Variants in COL20A1 observed in about 807,000 individuals in gnomAD.
The protein encoded by COL20A1 is collagen alpha-1(XX) chain.
Under a neutral mutation model 152.9 loss-of-function variants are expected in COL20A1, and 164 were observed. The observed-to-expected ratio is 1.07, with a 90% CI of 0.94 to 1.22. COL20A1 has a LOEUF of 1.22. Ranked by LOEUF, COL20A1 falls within the 50% of genes most tolerant of loss-of-function variation. COL20A1 has a pLI of 0.00. For synonymous variants in COL20A1, 864 were observed against 756.0 expected, an observed-to-expected ratio of 1.14 and a Z score of -2.34; for missense variants, 1,873 against 1,744.8, an observed-to-expected ratio of 1.07 and a Z score of -1.31.
intron 27 of COL20A1, among the ~76,000 whole-genome samples, chr20:63,322,555 C>G (rs190665561): frequency 6.6e-6 from 1 of 152,150 alleles, no homozygotes; most frequent in Non-Finnish European, 1.5e-5. Context: ...CTAGGCTCAG[C>G]GCATGCGCGG....
intron 21 of COL20A1, among the ~76,000 whole-genome samples, chr20:63,318,583 A>G: frequency 6.6e-6 from 1 of 152,066 alleles, no homozygotes; most frequent in East Asian, 1.9e-4. Flanking sequence ...GCTGCCTTTC[A>G]GTAGTGATCC....
intron 35 of COL20A1, 44 bp downstream of exon 35, chr20:63,329,705 T>TG: frequency 7.1e-7 from 1 of 1,411,378 alleles, no homozygotes; most frequent in Non-Finnish European, 9.5e-7. Context: ...GCTGAGGGCA[T>TG]CCAGGAAGGA....
chr20:63,298,089 G>A lies in COL20A1; in HGVS notation c.193+69G>A, dbSNP rs912913532. ...GCCGAGGACAGTCAGTGTGGTGGCC[G>A]CAGCCACCACTCAGGCCCACAGCAT... On this transcript the variant is annotated intron_variant, in intron 3 of 35. Transcript: ENST00000358894. The A allele has an allele frequency of 3.1e-5, 33 of 1,066,748 alleles. No individual in the cohort carries two copies. The African/African-American group carries it at 3.3e-4, about 11-fold the overall frequency. 66.1% of individuals were successfully genotyped at this position (1,066,748 alleles called of 1,614,324 possible).
chr20:63,311,407 G>C lies in COL20A1; in HGVS notation c.1407G>C (p.Pro469=). The C allele has an allele frequency of 6.3e-7, 1 of 1,581,650 alleles. No homozygotes were observed. Among genetic ancestry groups the C allele is most frequent in the Non-Finnish European group, 8.6e-7 (1 of 1,164,948 alleles). ...ATGGCCCCCCAGCACCTCTGCCTCC[G>C]CCCCGGGCGCTGACCCTGGCCGCAG... The part of the protein sequence containing the change: ...RGLVTTAPLP[P]PRALTLAAVT... Residue 469 remains proline, a synonymous_variant, in exon 12 of 36, where the codon CCG becomes CCC. Coordinates refer to ENST00000358894, the MANE Select transcript of COL20A1 (RefSeq NM_020882.4). The surrounding 1 kb of genome is among the most constrained non-coding windows in gnomAD (Gnocchi z 4.4).
intron 27 of COL20A1, 122 bp from the exon 28 acceptor site, chr20:63,325,319 G>T: frequency 1.3e-6 from 1 of 784,912 alleles, no homozygotes; most frequent in Non-Finnish European, 2.2e-6. Flanking sequence ...CTGGAGGCCA[G>T]CAGGGCTCGC....
At position 63,313,155 on chromosome 20, in the gene COL20A1, TGGCCTAGGGAGGCACACAGAGTAC is replaced by T; in HGVS notation, c.2117_2140del (p.Gly706_Tyr713del). 1 of 1,612,152 alleles carries T rather than the reference TGGCCTAGGGAGGCACACAGAGTAC, an allele frequency of 6.2e-7. No individual in the cohort carries two copies. The highest frequency in any genetic ancestry group is 1.3e-5 in the African/African-American group (1 of 75,016). On this transcript the variant is annotated inframe_deletion, in exon 17 of 36. Transcript: ENST00000358894. This position sits in a 1 kb window ranked among gnomAD's most constrained non-coding sequence, Gnocchi z 5.9. ...GGAACCTCGGCACGGCCGTCCTGCC[TGGCCTAGGGAGGCACACAGAGTAC>T]GACGTCACCATCTTGGCCTACTACA... is the stretch of plus-strand genomic sequence containing the variant.
chr20:63,321,245 C>G, intron 26 of COL20A1, 146 bp downstream of exon 26: 2 of 602,798 alleles, frequency 3.3e-6, no homozygotes, highest in South Asian at 4.2e-5. Flanking sequence ...TGAGCCTCTT[C>G]CCTGCTGTGC....
chr20:63,311,677 A>C lies in COL20A1; in HGVS notation c.1592A>C (p.Asp531Ala). 1.2e-6 allele frequency: 2 copies of C among 1,607,156 alleles called. No homozygotes were observed. Among genetic ancestry groups the C allele is most frequent in the Non-Finnish European group, 1.7e-6 (2 of 1,178,982 alleles). The part of the protein sequence containing the change: ...VLLDGLEPGR[D>A]YEVSVQSLRG... ...CTGGATGGCCTGGAACCTGGCAGGG[A>C]CTATGAGGTCTCGGTGCAGAGCCTG... Residue 531 changes from aspartate to alanine, a missense_variant, in exon 13 of 36, where the codon GAC (aspartate) becomes GCC (alanine). Transcript: ENST00000358894. This position sits in a 1 kb window ranked among gnomAD's most constrained non-coding sequence, Gnocchi z 4.4.
At position 63,313,878 on chromosome 20, in the gene COL20A1, G is replaced by T. The variant is rs199924678; in HGVS notation, c.2345G>T (p.Gly782Val). ...ACCTACGCCCCCGCCTCTGGCTTGGGACCCGAGAAATCCGTGAGTCTTGGT... is the reference window on the plus strand; with the variant it reads ...ACCTACGCCCCCGCCTCTGGCTTGGTACCCGAGAAATCCGTGAGTCTTGGT... ...WLTYAPASGL[G>V]PEKSVSVPGA... Residue 782 changes from glycine (G) to valine (V), a missense_variant, in exon 18 of 36, where the codon GGA (glycine) becomes GTA (valine). Coordinates refer to ENST00000358894, the MANE Select transcript of COL20A1 (RefSeq NM_020882.4). This position sits in a 1 kb window ranked among gnomAD's most constrained non-coding sequence, Gnocchi z 5.9. 6.2e-7 allele frequency: 1 copy of T among 1,603,608 alleles called. No homozygotes were observed.
intron 31 of COL20A1, chr20:63,327,531 T>C (rs1422318802): frequency 5.4e-5 from 11 of 202,724 alleles, no homozygotes; most frequent in African/African-American, 2.3e-4. Flanking sequence ...GGCCCCCCCT[T>C]AGGTGGGCTC....
At chr20:63,321,322 C>T (rs747208739) in intron 26 of COL20A1, among the ~76,000 whole-genome samples, 40 of 152,136 alleles carry the variant, frequency 2.6e-4, no homozygotes, top group Admixed American at 1.0e-3. Context: ...GCCTCCCCTG[C>T]GAACCCTCCT....
chr20:63,303,440 G>A (rs181945971), intron 3 of COL20A1, among the ~76,000 whole-genome samples: 2 of 152,302 alleles, frequency 1.3e-5, no homozygotes, highest in Admixed American at 1.3e-4. Context: ...GAAGCCTTGG[G>A]AATATGACAG....
intron 25 of COL20A1, among the ~76,000 whole-genome samples, 188 bp from the exon 26 acceptor site, chr20:63,320,825 G>A (rs1014462996): frequency 6.6e-6 from 1 of 152,112 alleles, no homozygotes; most frequent in Non-Finnish European, 1.5e-5. Flanking sequence ...TGGACACACA[G>A]GGGCTCAGTG....
chr20:63,309,951 T>C (rs761545171), intron 10 of COL20A1, 36 bp downstream of exon 10: 7 of 1,550,562 alleles, frequency 4.5e-6, no homozygotes, highest in Non-Finnish European at 6.1e-6. Context: ...CCCGAGCCGG[T>C]CCTCAGCCGT....
At position 63,319,157 on chromosome 20, in the gene COL20A1, G is replaced by A; in HGVS notation, c.2763G>A (p.Met921Ile). The A allele has an allele frequency of 6.2e-7, 1 of 1,612,856 alleles. No individual in the cohort carries two copies. Among genetic ancestry groups the A allele is most frequent in the South Asian group, 1.1e-5 (1 of 91,068 alleles). Residue 921 changes from methionine (M) to isoleucine (I), a missense_variant, in exon 22 of 36, where the codon ATG becomes ATA. Physicochemically the swap from Met to Ile is conservative, Grantham distance 10. Coordinates refer to ENST00000358894, the MANE Select transcript of COL20A1 (RefSeq NM_020882.4). The surrounding 1 kb of genome is among the most constrained non-coding windows in gnomAD (Gnocchi z 4.4). ...TPREAFALWQ[M>I]TAEDFQPLLG... ...GTGAGGCCTTCGCGCTGTGGCAGAT[G>A]ACAGCCGAGGACTTCCAGCCCCTCC...
chr20:63,312,012 T>C lies in COL20A1; in HGVS notation c.1760T>C (p.Val587Ala), dbSNP rs780576156. 5.6e-6 allele frequency: 9 copies of C among 1,606,152 alleles called. No homozygotes were observed. The South Asian group carries it at 6.6e-5, about 12-fold the overall frequency. The change falls in exon 14 of 36, where the codon GTC becomes GCC. Residue 587 changes from valine to alanine, a missense_variant. By Grantham distance (64) the Val-to-Ala change is moderately conservative (BLOSUM62 0). Coordinates refer to ENST00000358894, the MANE Select transcript of COL20A1 (RefSeq NM_020882.4). ...GGTGCCCCGAGGCCTGTGCGCCTGG[T>C]CAGGGTCACCTATGTGTCCAGCGAG... ...WEGAPRPVRL[V>A]RVTYVSSEGG... is the part of the protein sequence containing the mutation.
chr20:63,326,539 G>T (rs2068251871), intron 30 of COL20A1, among the ~76,000 whole-genome samples: 1 of 152,134 alleles, frequency 6.6e-6, no homozygotes, highest in African/African-American at 2.4e-5. Context: ...TGCTGACAGT[G>T]CTGGAGGAGG....
Position 63,313,337 on chromosome 20 carries a change from C to A in COL20A1, c.2209+88C>A. 7.2e-7 allele frequency: 1 copy of A among 1,388,256 alleles called. No homozygotes were observed. The highest frequency in any genetic ancestry group is 9.8e-7 in the Non-Finnish European group (1 of 1,022,704). The allele number at this position is 1,388,256 out of a possible 1,614,324, so 86.0% of individuals were successfully genotyped here. A position where few individuals can be genotyped will look rare whatever the true frequency, so the allele number is the denominator to read the frequency against. ...ACTCACCCGCTGCACAGGCCCAGGACCCTAGACTCCCAGAACTGCTGGCTC... is the reference window on the plus strand; with the variant it reads ...ACTCACCCGCTGCACAGGCCCAGGAACCTAGACTCCCAGAACTGCTGGCTC... On this transcript the variant is annotated intron_variant, in intron 17 of 35. Transcript: ENST00000358894. This position sits in a 1 kb window ranked among gnomAD's most constrained non-coding sequence, Gnocchi z 5.9.
chr20:63,323,662 C>T (rs1283170792), intron 27 of COL20A1, among the ~76,000 whole-genome samples: 1 of 152,164 alleles, frequency 6.6e-6, no homozygotes, highest in East Asian at 1.9e-4. Flanking sequence ...TGTCCTAAGG[C>T]CCCTGTGTAT....
Sources: gnomAD v4.1 joint callset for allele counts (sites outside exome capture counted in the v4.1 genomes callset) on GRCh38, gnomAD v4.1.1 for gene constraint, Gnocchi (gnomAD v3.1) non-coding constraint, MANE v1.5 for transcripts, NCBI Gene and HGNC (gene_info 2026-07-23, HGNC 2026-07-21) for gene names.